PLXNA4: variants seen among roughly 807,000 people sequenced by gnomAD.
PLXNA4 encodes the protein plexin A4.
A neutral mutation model predicts 191.8 loss-of-function variants in PLXNA4; 44 were observed. The observed-to-expected ratio is 0.23, with a 90% CI of 0.18 to 0.29. PLXNA4 has a LOEUF of 0.29. PLXNA4 is among the 10% of genes least tolerant of loss of function. The probability of loss-of-function intolerance (pLI) is 1.00; values close to 1 mark genes in which losing one functional copy is unlikely to be tolerated. For synonymous variants in PLXNA4, 1,082 were observed against 1,009.5 expected (o/e 1.07, Z -1.36); for missense variants, 1,800 against 2,488.8 (o/e 0.72, Z 5.89).
At chr7:132,512,762 T>A (rs1171445221) in intron 1 of PLXNA4, among the ~76,000 whole-genome samples, 1 of 152,148 alleles carries the variant, frequency 6.6e-6, no homozygotes, top group Non-Finnish European at 1.5e-5. Flanking sequence ...AAGCAAGAGT[T>A]TCCAGGGGGG....
intron 3 of PLXNA4, among the ~76,000 whole-genome samples, chr7:132,475,525 T>TCTGCCC (rs1797090447): frequency 6.6e-6 from 1 of 152,092 alleles, no homozygotes. Flanking sequence ...ACTGCTTCCT[T>TCTGCCC]CTGCCCCTGC....
chr7:132,309,494 A>G (rs1399931492), intron 3 of PLXNA4, among the ~76,000 whole-genome samples: 1 of 152,072 alleles, frequency 6.6e-6, no homozygotes, highest in African/African-American at 2.4e-5. Flanking sequence ...AGCCATGTTC[A>G]TCTCTGCCCC....
At chr7:132,141,628 G>A (rs1795272164) in intron 29 of PLXNA4, among the ~76,000 whole-genome samples, 1 of 152,184 alleles carries the variant, frequency 6.6e-6, no homozygotes, top group African/African-American at 2.4e-5. Context: ...TGGGACCAAG[G>A]GAAGCATCAA....
intron 3 of PLXNA4, among the ~76,000 whole-genome samples, chr7:132,381,184 C>T (rs1392805133): frequency 6.6e-6 from 1 of 152,164 alleles, no homozygotes; most frequent in African/African-American, 2.4e-5. Flanking sequence ...TTGGTTGTAT[C>T]CTTGTTATAG....
At chr7:132,454,197 C>T (rs903570744) in intron 3 of PLXNA4, among the ~76,000 whole-genome samples, 1 of 152,204 alleles carries the variant, frequency 6.6e-6, no homozygotes, top group Non-Finnish European at 1.5e-5. Context: ...GATATGCCTT[C>T]TTTCATCCAA....
intron 3 of PLXNA4, among the ~76,000 whole-genome samples, chr7:132,299,263 A>G (rs1436975927): frequency 2.0e-5 from 3 of 152,256 alleles, no homozygotes; most frequent in Admixed American, 1.3e-4. Context: ...GATTTCAACA[A>G]TAAAACTAAA....
At chr7:132,291,920 G>A (rs60986814) in intron 4 of PLXNA4, among the ~76,000 whole-genome samples, 37,900 of 152,030 alleles carry the variant, frequency 0.25, 5,347 homozygotes, top group South Asian at 0.46. Flanking sequence ...TCAGCCTCCC[G>A]AGTGGTTGGG....
chr7:132,547,883 G>A (rs148962429), intron 1 of PLXNA4, among the ~76,000 whole-genome samples: 11 of 152,210 alleles, frequency 7.2e-5, no homozygotes, highest in African/African-American at 2.7e-4. Context: ...AAAGCAGAAA[G>A]CACCTCTCTT....
At chr7:132,301,293 AT>A (rs1243874707) in intron 3 of PLXNA4, among the ~76,000 whole-genome samples, 1 of 152,212 alleles carries the variant, frequency 6.6e-6, no homozygotes, top group Non-Finnish European at 1.5e-5. Context: ...CAATACAAAA[AT>A]TTAGGTAGAA....
In PLXNA4 at chr7:132,374,517, C is replaced by G. The variant is rs535659213; in HGVS notation, c.1372-76295G>C. On this transcript the variant is annotated intron_variant, in intron 3 of 31. Coordinates refer to ENST00000321063, the MANE Select transcript of PLXNA4 (RefSeq NM_020911.2). ...AGGGTGAGCAGCTGGTAATTAGAAG[C>G]TACTGGTGGGTATCAGAACGCATCC... Among the ~76,000 whole-genome samples, 11 of 152,276 alleles carry G rather than the reference C, an allele frequency of 7.2e-5. No homozygotes were observed. The South Asian group carries it at 2.3e-3, about 32-fold the overall frequency.
chr7:132,465,394 A>G (rs156930), intron 3 of PLXNA4, among the ~76,000 whole-genome samples: 151,300 of 152,354 alleles, frequency 0.99, 75,135 homozygotes, highest in Middle Eastern at 1. Context: ...GATTTTATAC[A>G]AAGAAAAGGT....
chr7:132,507,390 T>A (rs1293795045), intron 2 of PLXNA4, 116 bp downstream of exon 2: 3 of 1,138,202 alleles, frequency 2.6e-6, no homozygotes, highest in Non-Finnish European at 3.6e-6. Context: ...TGGGATGGGA[T>A]ATACTCACTT....
intron 3 of PLXNA4, among the ~76,000 whole-genome samples, chr7:132,381,316 A>T (rs911354236): frequency 7.2e-5 from 11 of 152,228 alleles, no homozygotes; most frequent in Non-Finnish European, 1.5e-4. Flanking sequence ...TAGGGAGCAG[A>T]GGTGCATAGA....
chr7:132,590,242 G>A (rs1187171809), intron 2 of PLXNA4, among the ~76,000 whole-genome samples: 2 of 152,208 alleles, frequency 1.3e-5, no homozygotes, highest in Non-Finnish European at 2.9e-5. Flanking sequence ...ATGAACTGAG[G>A]AAGGAAGGTG....
chr7:132,590,979 G>A (rs754739287), intron 2 of PLXNA4, among the ~76,000 whole-genome samples: 5 of 152,116 alleles, frequency 3.3e-5, no homozygotes, highest in Non-Finnish European at 2.9e-5. Flanking sequence ...CTCCTCCCCA[G>A]TGCTCCCTTC....
chr7:132,140,676 G>A lies in PLXNA4; in HGVS notation c.5361C>T (p.His1787=), dbSNP rs1478813711. 1 of 1,614,162 alleles carries A rather than the reference G, an allele frequency of 6.2e-7. No homozygotes were observed. The highest frequency in any genetic ancestry group is 1.7e-5 in the Admixed American group (1 of 60,022). ...TFMDSCSTSE[H]RLGKDSPSNK... ...TGGAGGGCGAGTCCTTGCCCAGCCG[G>A]TGCTCTGACGTGGAGCAAGAGTCCA... The change falls in exon 30 of 32, where the codon CAC becomes CAT. Residue 1787 remains histidine, a synonymous_variant. Transcript: ENST00000321063.
intron 31 of PLXNA4, among the ~76,000 whole-genome samples, chr7:132,132,488 C>CTTTTCTATTCTAT (rs1563048489): frequency 1.2e-5 from 1 of 84,428 alleles, no homozygotes; most frequent in African/African-American, 4.3e-5. Context: ...CTCTGCTCTG[C>CTTTTCTATTCTAT]TCTATTCTTT....
chr7:132,466,579 CGCTGA>C (rs1563115523), intron 3 of PLXNA4, among the ~76,000 whole-genome samples: 1 of 152,218 alleles, frequency 6.6e-6, no homozygotes, highest in Non-Finnish European at 1.5e-5. Flanking sequence ...ACCCCCTTCA[CGCTGA>C]GCCCCATTGG....
chr7:132,302,402 T>C (rs555896270), intron 3 of PLXNA4, among the ~76,000 whole-genome samples: 85 of 152,234 alleles, frequency 5.6e-4, no homozygotes, highest in Non-Finnish European at 1.1e-3. Context: ...CTGTACTCAG[T>C]GCAATCCCCA....
Sources: gnomAD v4.1 joint callset for allele counts (sites outside exome capture counted in the v4.1 genomes callset) on GRCh38, gnomAD v4.1.1 for gene constraint, MANE v1.5 for transcripts, NCBI Gene and HGNC (gene_info 2026-07-23, HGNC 2026-07-21) for gene names.